Variants in CCDC148 observed in about 807,000 individuals in gnomAD.
CCDC148 encodes coiled-coil domain containing 148.
A neutral mutation model predicts 85.7 loss-of-function variants in CCDC148; 89 were observed. The observed-to-expected ratio is 1.04, with a 90% CI of 0.87 to 1.24. CCDC148 has a LOEUF of 1.24. CCDC148 is among the 50% of genes most tolerant of loss of function. The probability of loss-of-function intolerance (pLI) is 0.00; values close to 1 mark genes in which losing one functional copy is unlikely to be tolerated. For synonymous variants in CCDC148, 230 were observed against 213.9 expected (o/e 1.08, Z -0.66); for missense variants, 692 against 671.7 (o/e 1.03, Z -0.33).
chr2:158,303,756 A>G lies in CCDC148; in HGVS notation c.1110+5677T>C, dbSNP rs1691555430. 2.0e-5 allele frequency among the ~76,000 whole-genome samples: 3 copies of G among 151,004 alleles called. No homozygotes were observed. In the South Asian group the frequency reaches 6.2e-4, roughly 31 times the overall value. On this transcript the variant is annotated intron_variant, in intron 9 of 13. Coordinates refer to ENST00000283233, the MANE Select transcript of CCDC148 (RefSeq NM_138803.4). The stretch of plus-strand genomic sequence containing the variant: ...TCCCTGAAAGTTCAGATATTTGTTT[A>G]CCCTCATGTGACCATACCCTTCTGA...
chr2:158,182,297 G>A (rs1482297563), intron 11 of CCDC148, among the ~76,000 whole-genome samples: 2 of 152,068 alleles, frequency 1.3e-5, no homozygotes, highest in Non-Finnish European at 2.9e-5. Flanking sequence ...TGATTCCTAA[G>A]GAAACAACAC....
chr2:158,358,488 A>C lies in CCDC148; in HGVS notation c.108T>G (p.Thr36=), dbSNP rs775855149. The C allele has an allele frequency of 8.7e-6, 14 of 1,608,358 alleles. No homozygotes were observed. The South Asian group carries it at 1.4e-4, about 17-fold the overall frequency. ...PVDYQQLRAL[T]EAKKLASASA... ...AGGCAGAAGCCAATTTCTTTGCTTC[A>C]GTTAATGCACGCAATTGTTGATAGT... The change falls in exon 2 of 14, where the codon ACT becomes ACG. Residue 36 remains threonine (T), a synonymous_variant. Transcript: ENST00000283233.
intron 7 of CCDC148, among the ~76,000 whole-genome samples, chr2:158,334,577 C>T (rs879432694): frequency 1.4e-4 from 12 of 83,822 alleles, no homozygotes; most frequent in Admixed American, 2.0e-4. Context: ...CATATCTTAA[C>T]GCACCTGGAG....
intron 2 of CCDC148, among the ~76,000 whole-genome samples, chr2:158,350,524 C>T (rs1683208878): frequency 6.6e-6 from 1 of 152,116 alleles, no homozygotes; most frequent in African/African-American, 2.4e-5. Flanking sequence ...CACTAAAAAA[C>T]ACTCACACTT....
At chr2:158,368,044 A>G (rs913468093) in intron 1 of CCDC148, among the ~76,000 whole-genome samples, 2 of 152,188 alleles carry the variant, frequency 1.3e-5, no homozygotes, top group African/African-American at 4.8e-5. Context: ...CTCTCACATT[A>G]TAATACAAAC....
At chr2:158,430,373 G>C (rs1315829580) in intron 1 of CCDC148, among the ~76,000 whole-genome samples, 2 of 152,064 alleles carry the variant, frequency 1.3e-5, no homozygotes, top group Non-Finnish European at 2.9e-5. Context: ...TTTTAAAAAA[G>C]ACAGACAAAT....
At chr2:158,358,340 T>C (rs1235765507) in intron 2 of CCDC148, 109 bp downstream of exon 2, 2 of 1,329,432 alleles carry the variant, frequency 1.5e-6, no homozygotes, top group Non-Finnish European at 2.1e-6. Context: ...ACTTGGGAGT[T>C]TCTAACAACT....
intron 9 of CCDC148, among the ~76,000 whole-genome samples, chr2:158,302,645 G>A (rs1270549263): frequency 2.4e-4 from 37 of 152,074 alleles, no homozygotes; most frequent in African/African-American, 8.7e-4. Context: ...TTAGCTGGGT[G>A]TGGTGGCACA....
intron 1 of CCDC148, among the ~76,000 whole-genome samples, chr2:158,404,232 T>C (rs1685905434): frequency 6.6e-6 from 1 of 152,070 alleles, no homozygotes; most frequent in Admixed American, 6.6e-5. Flanking sequence ...GGGGGCTCTA[T>C]TTGCAATATA....
At chr2:158,309,296 G>C (rs1231972072) in intron 9 of CCDC148, 137 bp downstream of exon 9, 1 of 724,836 alleles carries the variant, frequency 1.4e-6, no homozygotes, top group Non-Finnish European at 2.2e-6. Flanking sequence ...ATTTTATACA[G>C]TTCAAACTAA....
rs1257951053 is a variant in CCDC148 at position 158,250,269 on chromosome 2, A to G, written c.1251+503T>C. Among the ~76,000 whole-genome samples the G allele has an allele frequency of 2.6e-5, 4 of 152,046 alleles. No homozygotes were observed. The East Asian group carries it at 7.7e-4, about 29-fold the overall frequency. On this transcript the variant is annotated intron_variant, in intron 10 of 13. Coordinates refer to ENST00000283233, the MANE Select transcript of CCDC148 (RefSeq NM_138803.4). ...TGTTTACTCAAAAGAGGAATGATGAATTTGTGTTAGTAAATGAAAAACAAA... is the reference window on the plus strand; with the variant it reads ...TGTTTACTCAAAAGAGGAATGATGAGTTTGTGTTAGTAAATGAAAAACAAA...
chr2:158,412,504 T>A (rs1686304416), intron 1 of CCDC148, among the ~76,000 whole-genome samples: 1 of 152,094 alleles, frequency 6.6e-6, no homozygotes, highest in Admixed American at 6.6e-5. Flanking sequence ...ATTCCCCAGT[T>A]CCAGCCCACA....
chr2:158,211,149 C>G (rs1686556627), intron 11 of CCDC148, among the ~76,000 whole-genome samples: 1 of 151,716 alleles, frequency 6.6e-6, no homozygotes, highest in African/African-American at 2.4e-5. Context: ...CCAACCTGTA[C>G]ATTCTGCACA....
At chr2:158,376,470 A>C (rs1387169779) in intron 1 of CCDC148, among the ~76,000 whole-genome samples, 1 of 152,136 alleles carries the variant, frequency 6.6e-6, no homozygotes, top group African/African-American at 2.4e-5. Flanking sequence ...AAAAAATAGC[A>C]ACCTACCACT....
chr2:158,446,178 T>A (rs1688149382), intron 1 of CCDC148, among the ~76,000 whole-genome samples: 1 of 151,998 alleles, frequency 6.6e-6, no homozygotes, highest in Non-Finnish European at 1.5e-5. Flanking sequence ...TGAGACCCCA[T>A]CTCTACAAAA....
intron 1 of CCDC148, among the ~76,000 whole-genome samples, chr2:158,387,536 C>T (rs1240325145): frequency 1.3e-5 from 2 of 152,082 alleles, no homozygotes; most frequent in African/African-American, 2.4e-5. Flanking sequence ...CCATTTGGGT[C>T]CCAACAGCCC....
chr2:158,434,214 C>T (rs969577059), intron 1 of CCDC148, among the ~76,000 whole-genome samples: 19 of 152,284 alleles, frequency 1.2e-4, no homozygotes, highest in Admixed American at 7.8e-4. Context: ...CTGGGAGGTA[C>T]CTCCCAGTAG....
At chr2:158,175,057 C>A (rs1307844028) in intron 13 of CCDC148, among the ~76,000 whole-genome samples, 20 of 152,014 alleles carry the variant, frequency 1.3e-4, no homozygotes, top group South Asian at 2.1e-4. Context: ...TGTTTCCAGT[C>A]TCCTCTCCCA....
intron 1 of CCDC148, among the ~76,000 whole-genome samples, chr2:158,359,345 T>C (rs1190672376): frequency 6.6e-6 from 1 of 152,162 alleles, no homozygotes; most frequent in Non-Finnish European, 1.5e-5. Flanking sequence ...CTCAAATGAT[T>C]TCAGGCCAAT....
Sources: gnomAD v4.1 joint callset for allele counts (sites outside exome capture counted in the v4.1 genomes callset) on GRCh38, gnomAD v4.1.1 for gene constraint, MANE v1.5 for transcripts, NCBI Gene and HGNC (gene_info 2026-07-23, HGNC 2026-07-21) for gene names.